Variants in SASH1 observed in about 807,000 individuals in gnomAD.
SASH1 encodes the protein SAM and SH3 domain-containing protein 1.
Under a neutral mutation model 125.2 loss-of-function variants are expected in SASH1, and 44 were observed. The observed-to-expected ratio is 0.35, with a 90% CI of 0.28 to 0.45. SASH1 has a LOEUF of 0.45. SASH1 is among the 20% of genes least tolerant of loss of function. The pLI, the probability that SASH1 is intolerant of heterozygous loss-of-function variation, is 1.00. For synonymous variants in SASH1, 639 were observed against 649.1 expected (o/e 0.98, Z 0.24); for missense variants, 1,426 against 1,614.5 (o/e 0.88, Z 2.00).
At chr6:148,366,159 C>T (rs1782448575) in intron 1 of SASH1, among the ~76,000 whole-genome samples, 1 of 151,968 alleles carries the variant, frequency 6.6e-6, no homozygotes, top group Admixed American at 6.6e-5. Context: ...GTAGCGCTGC[C>T]TGTATTTCCA....
chr6:148,285,867 G>A (rs984018811), intron 1 of SASH1, among the ~76,000 whole-genome samples: 12 of 152,168 alleles, frequency 7.9e-5, no homozygotes, highest in African/African-American at 2.9e-4. Context: ...AGGTGCCTCA[G>A]ATTCTTTCTG....
chr6:148,352,008 TA>T (rs563642497), intron 1 of SASH1, among the ~76,000 whole-genome samples: 6 of 151,378 alleles, frequency 4.0e-5, no homozygotes, highest in Non-Finnish European at 7.4e-5. Context: ...CCCAGTCTTT[TA>T]AAAAAAAAGT....
At position 148,500,025 on chromosome 6, in the gene SASH1, A is replaced by G. The variant is rs1286390768; in HGVS notation, c.729+12310A>G. Among the ~76,000 whole-genome samples the G allele has an allele frequency of 2.6e-5, 4 of 152,116 alleles. No homozygotes were observed. In the South Asian group the frequency reaches 8.3e-4, roughly 32 times the overall value. ...ATTTCTTCCTGTTCCTTGAGTTGAG[A>G]TGATGAAGTGATGAGAGCAAAGATT... is the stretch of plus-strand genomic sequence containing the variant. On this transcript the variant is annotated intron_variant, in intron 8 of 19. Coordinates refer to ENST00000367467, the MANE Select transcript of SASH1 (RefSeq NM_015278.5).
intron 1 of SASH1, among the ~76,000 whole-genome samples, chr6:148,384,742 A>C (rs112840839): frequency 2.0e-5 from 3 of 152,338 alleles, no homozygotes; most frequent in African/African-American, 7.2e-5. Context: ...AAACTGCTTT[A>C]TTGAGGTATG....
chr6:148,457,860 G>A (rs1270827430), intron 4 of SASH1, among the ~76,000 whole-genome samples: 1 of 152,202 alleles, frequency 6.6e-6, no homozygotes, highest in African/African-American at 2.4e-5. Context: ...AGAAGAATGT[G>A]TGCCAGCAAA....
intron 16 of SASH1, among the ~76,000 whole-genome samples, chr6:148,535,700 T>A (rs1055279200): frequency 6.6e-6 from 1 of 152,220 alleles, no homozygotes; most frequent in African/African-American, 2.4e-5. Context: ...TAACTCAGTC[T>A]TATCTTGCTC....
chr6:148,451,273 A>G (rs945365434), intron 4 of SASH1, among the ~76,000 whole-genome samples: 8 of 152,230 alleles, frequency 5.3e-5, no homozygotes. Context: ...CAGAGAAGCT[A>G]CCTTGGGCTT....
intron 11 of SASH1, 124 bp downstream of exon 11, chr6:148,525,489 T>C: frequency 1.2e-6 from 1 of 807,016 alleles, no homozygotes. Context: ...CTGAGTCACG[T>C]TTGGAAAAAA....
chr6:148,291,364 A>T (rs183829885), intron 1 of SASH1, among the ~76,000 whole-genome samples: 1 of 152,280 alleles, frequency 6.6e-6, no homozygotes, highest in East Asian at 1.9e-4. Flanking sequence ...TCAATTTAAA[A>T]TTTTTAAAAG....
chr6:148,361,917 T>TC (rs1171014113), intron 1 of SASH1, among the ~76,000 whole-genome samples: 2 of 125,404 alleles, frequency 1.6e-5, no homozygotes, highest in Admixed American at 8.1e-5. Context: ...TCTTTTTCTT[T>TC]TTTTTTTTTT....
chr6:148,317,844 A>C (rs1354864419), intron 1 of SASH1, among the ~76,000 whole-genome samples: 1 of 152,234 alleles, frequency 6.6e-6, no homozygotes, highest in Non-Finnish European at 1.5e-5. Context: ...GAAATGCTAT[A>C]ATATCTCAAC....
chr6:148,316,609 G>T (rs998240080), intron 1 of SASH1, among the ~76,000 whole-genome samples: 2 of 152,206 alleles, frequency 1.3e-5, no homozygotes, highest in Non-Finnish European at 2.9e-5. Flanking sequence ...GCATTATCTG[G>T]AGTCTCCATT....
intron 1 of SASH1, among the ~76,000 whole-genome samples, chr6:148,289,315 G>A (rs36098729): frequency 6.6e-6 from 1 of 152,168 alleles, no homozygotes; most frequent in African/African-American, 2.4e-5. Context: ...AGGGCAGGGC[G>A]AATGGTACAC....
chr6:148,487,537 G>C, intron 7 of SASH1, 77 bp from the exon 8 acceptor site: 1 of 1,014,736 alleles, frequency 9.9e-7, no homozygotes, highest in Non-Finnish European at 1.5e-6. Context: ...TGTATTATTT[G>C]AGTCATTTCC....
At chr6:148,326,929 G>A (rs77597505) in intron 1 of SASH1, among the ~76,000 whole-genome samples, 6,384 of 152,126 alleles carry the variant, frequency 0.042, 233 homozygotes, top group South Asian at 0.15. Flanking sequence ...CTCCACACTA[G>A]GACTTTACAA....
At chr6:148,362,731 C>T (rs112037480) in intron 1 of SASH1, among the ~76,000 whole-genome samples, 5,591 of 151,804 alleles carry the variant, frequency 0.037, 176 homozygotes, top group South Asian at 0.15. Flanking sequence ...GACTGTAGTC[C>T]CAGCTACTTG....
chr6:148,255,059 A>G, the SASH1 span, among the ~76,000 whole-genome samples: 1 of 152,234 alleles, frequency 6.6e-6, no homozygotes, highest in African/African-American at 2.4e-5. Context: ...ATGTTACAAC[A>G]TGGATTAAAC....
Position 148,546,040 on chromosome 6 carries a change from C to G in SASH1, c.3374C>G (p.Ala1125Gly). 6.2e-7 allele frequency: 1 copy of G among 1,614,094 alleles called. No homozygotes were observed. The highest frequency in any genetic ancestry group is 8.5e-7 in the Non-Finnish European group (1 of 1,179,972). Residue 1125 changes from alanine (A) to glycine (G), a missense_variant, in exon 19 of 20, where the codon GCC becomes GGC. Ala to Gly is a moderately conservative substitution (Grantham distance 60, BLOSUM62 0). Around this residue, in one of 3 missense-constraint regions of SASH1, gnomAD observed 634 missense variants for 694.4 expected, o/e 0.91. Transcript: ENST00000367467. ...DKHGRCGIPEALVQRYAEDLD... is the reference protein window; with the variant it reads ...DKHGRCGIPEGLVQRYAEDLD... Reference sequence around the variant, plus strand: ...CATGGCCGCTGTGGGATTCCTGAAGCCCTGGTGCAGAGATACGCAGAGGAC... The same window carrying G: ...CATGGCCGCTGTGGGATTCCTGAAGGCCTGGTGCAGAGATACGCAGAGGAC...
chr6:148,533,671 G>A lies in SASH1; in HGVS notation c.1735-100G>A. 1 of 1,136,002 alleles carries A rather than the reference G, an allele frequency of 8.8e-7. No homozygotes were observed. Among genetic ancestry groups the A allele is most frequent in the Non-Finnish European group, 1.3e-6 (1 of 783,738 alleles). The allele number at this position is 1,136,002 out of a possible 1,614,324, so 70.4% of individuals were successfully genotyped here. A position where few individuals can be genotyped will look rare whatever the true frequency, so the allele number is the denominator to read the frequency against. ...GTGGGACCCCGATTCTGGCCTTTGTGGCATCTTCACTTCTGCATGACCTGT... is the reference window on the plus strand; with the variant it reads ...GTGGGACCCCGATTCTGGCCTTTGTAGCATCTTCACTTCTGCATGACCTGT... On this transcript the variant is annotated intron_variant, in intron 14 of 19. Coordinates refer to ENST00000367467, the MANE Select transcript of SASH1 (RefSeq NM_015278.5). The surrounding 1 kb of genome is among the most constrained non-coding windows in gnomAD (Gnocchi z 6.2).
Sources: allele counts gnomAD v4.1 joint callset (sites outside exome capture counted in the v4.1 genomes callset), GRCh38; gene constraint gnomAD v4.1.1; regional missense constraint gnomAD v4.1.1; non-coding constraint Gnocchi (gnomAD v3.1); transcripts MANE v1.5; gene names NCBI Gene and HGNC (gene_info 2026-07-23, HGNC 2026-07-21).